SHANK2: variants seen among roughly 807,000 people sequenced by gnomAD.
SHANK2 encodes the protein SH3 and multiple ankyrin repeat domains 2, also known as SH3 and multiple ankyrin repeat domains protein 2.
A neutral mutation model predicts 133.7 loss-of-function variants in SHANK2; 43 were observed. The observed-to-expected ratio is 0.32, with a 90% CI of 0.25 to 0.41. SHANK2 has a LOEUF of 0.41. Ranked by LOEUF, SHANK2 falls within the 10% of genes least tolerant of loss-of-function variation. The probability of loss-of-function intolerance (pLI) is 1.00; values close to 1 mark genes in which losing one functional copy is unlikely to be tolerated. For missense variants in SHANK2, 1,994 were observed against 2,235.8 expected (o/e 0.89, Z 2.18); for synonymous variants, 1,017 against 952.8 (o/e 1.07, Z -1.24).
At chr11:70,754,048 G>A (rs967884485) in intron 14 of SHANK2, among the ~76,000 whole-genome samples, 2 of 152,178 alleles carry the variant, frequency 1.3e-5, no homozygotes, top group Non-Finnish European at 2.9e-5. Flanking sequence ...CTGACCTCAA[G>A]TGATCCACCC....
intron 15 of SHANK2, among the ~76,000 whole-genome samples, chr11:70,687,413 CT>C (rs1477803902): frequency 6.6e-6 from 1 of 152,234 alleles, no homozygotes; most frequent in Non-Finnish European, 1.5e-5. Context: ...TGAGCCGAAG[CT>C]GGCTCTTAGG....
At chr11:70,893,983 T>C (rs553621758) in intron 11 of SHANK2, among the ~76,000 whole-genome samples, 8 of 152,342 alleles carry the variant, frequency 5.3e-5, no homozygotes, top group African/African-American at 1.9e-4. Context: ...TAAAGGGTAA[T>C]TAAAATGTAT....
intron 17 of SHANK2, among the ~76,000 whole-genome samples, chr11:70,597,013 T>C (rs553513675): frequency 5.9e-5 from 9 of 152,208 alleles, no homozygotes; most frequent in African/African-American, 1.9e-4. Context: ...CGGGGGTGAC[T>C]GGTCTATATC....
chr11:70,769,069 G>A (rs782749045), intron 14 of SHANK2, among the ~76,000 whole-genome samples: 3 of 152,136 alleles, frequency 2.0e-5, no homozygotes, highest in Non-Finnish European at 4.4e-5. Context: ...GGTGTAATTC[G>A]CTGAGAGGCT....
chr11:70,868,235 G>A (rs546535775), intron 11 of SHANK2, among the ~76,000 whole-genome samples: 58 of 152,308 alleles, frequency 3.8e-4, no homozygotes, highest in African/African-American at 1.3e-3. Context: ...CATAGACACA[G>A]AGGCTGAGGG....
At chr11:70,700,733 A>G (rs1945501392) in intron 14 of SHANK2, among the ~76,000 whole-genome samples, 1 of 152,208 alleles carries the variant, frequency 6.6e-6, no homozygotes, top group Admixed American at 6.5e-5. Flanking sequence ...AGGGATTAGA[A>G]GAATTCAGCA....
chr11:70,937,447 T>A (rs7103333), intron 10 of SHANK2, among the ~76,000 whole-genome samples: 1 of 152,158 alleles, frequency 6.6e-6, no homozygotes. Flanking sequence ...GACCTTCGGA[T>A]GATGGACAAG....
chr11:70,703,174 G>A (rs1171727471), intron 14 of SHANK2, among the ~76,000 whole-genome samples: 1 of 152,092 alleles, frequency 6.6e-6, no homozygotes, highest in African/African-American at 2.4e-5. Context: ...GGGGCCACAC[G>A]TATTCTAGGT....
chr11:70,928,733 T>C (rs560234342), intron 10 of SHANK2, among the ~76,000 whole-genome samples: 1 of 152,062 alleles, frequency 6.6e-6, no homozygotes, highest in Non-Finnish European at 1.5e-5. Flanking sequence ...CCGGCCAAGA[T>C]ATGAGCACTG....
intron 3 of SHANK2, among the ~76,000 whole-genome samples, chr11:71,142,730 T>C (rs1555106011): frequency 6.6e-6 from 1 of 151,550 alleles, no homozygotes; most frequent in African/African-American, 2.4e-5. Context: ...AGAGAGAAAG[T>C]TTTTCTAGGA....
intron 14 of SHANK2, among the ~76,000 whole-genome samples, chr11:70,759,314 G>C (rs529561558): frequency 5.9e-5 from 9 of 151,606 alleles, no homozygotes; most frequent in Admixed American, 5.3e-4. Context: ...GCCAAACCCC[G>C]TCACTAGTAA....
intron 11 of SHANK2, among the ~76,000 whole-genome samples, chr11:70,865,477 G>A (rs545202624): frequency 4.6e-5 from 7 of 152,184 alleles, no homozygotes; most frequent in African/African-American, 1.2e-4. Context: ...GGGCACGCGG[G>A]GGGTGTCTGA....
At chr11:70,792,922 CA>C (rs1332653544) in intron 14 of SHANK2, among the ~76,000 whole-genome samples, 1 of 151,596 alleles carries the variant, frequency 6.6e-6, no homozygotes. Flanking sequence ...CTCGTCTCTA[CA>C]AAAAAATACA....
chr11:70,684,185 G>T (rs1472205017), intron 15 of SHANK2, among the ~76,000 whole-genome samples: 1 of 152,076 alleles, frequency 6.6e-6, no homozygotes, highest in East Asian at 1.9e-4. Context: ...CTCTCCCAGG[G>T]TCTTCACTGT....
rs1392695065 is a variant in SHANK2, at chr11:70,822,834, T to C, written c.1175-2152A>G. 2.9e-4 allele frequency among the ~76,000 whole-genome samples: 13 copies of C among 45,002 alleles called. 1 individual carries two copies. The highest frequency in any genetic ancestry group is 7.1e-4 in the South Asian group (1 of 1,402). 29.5% of individuals were successfully genotyped at this position (45,002 alleles called of 152,430 possible). Reference sequence around the variant, plus strand: ...ACAGAGGTGGCGCTGGCAGAGCTCATGGGGGTCAGAGGTGGCGTTGGCAGA... The same window carrying C: ...ACAGAGGTGGCGCTGGCAGAGCTCACGGGGGTCAGAGGTGGCGTTGGCAGA... On this transcript the variant is annotated intron_variant, in intron 11 of 25. Coordinates refer to ENST00000601538, the MANE Select transcript of SHANK2 (RefSeq NM_012309.5).
chr11:70,884,937 T>C (rs1590796121), intron 11 of SHANK2, among the ~76,000 whole-genome samples: 1 of 152,078 alleles, frequency 6.6e-6, no homozygotes. Context: ...GCCAGGCTGG[T>C]CTTGAACTCC....
chr11:71,213,132 G>A (rs1954319678), intron 2 of SHANK2, among the ~76,000 whole-genome samples: 3 of 152,102 alleles, frequency 2.0e-5, no homozygotes, highest in Admixed American at 2.0e-4. Context: ...GGGCTTAAGG[G>A]CTGAGGTTCT....
At chr11:70,564,444 G>C (rs2059943670) in intron 17 of SHANK2, among the ~76,000 whole-genome samples, 1 of 151,962 alleles carries the variant, frequency 6.6e-6, no homozygotes, top group African/African-American at 2.4e-5. Context: ...ATTTTTAGTA[G>C]AGATGGGGTT....
At position 70,880,696 on chromosome 11, in the gene SHANK2, T is replaced by G. The variant is rs182938135; in HGVS notation, c.1174+15805A>C. On this transcript the variant is annotated intron_variant, in intron 11 of 25. Transcript: ENST00000601538. The stretch of plus-strand genomic sequence containing the variant: ...CCTGGGCTGGGGCTGGGGAACACGA[T>G]GTCTGCTCCCATCAGTCTGTGTACC... 2.1e-4 allele frequency among the ~76,000 whole-genome samples: 32 copies of G among 152,324 alleles called. No individual in the cohort carries two copies. In the Middle Eastern group the frequency reaches 0.01, roughly 49 times the overall value.
Sources: gnomAD v4.1 joint callset for allele counts (sites outside exome capture counted in the v4.1 genomes callset) on GRCh38, gnomAD v4.1.1 for gene constraint, MANE v1.5 for transcripts, NCBI Gene and HGNC (gene_info 2026-07-23, HGNC 2026-07-21) for gene names.